The following HIPK2 variants were observed in gnomAD, a reference collection of about 807,000 sequenced individuals.
HIPK2 encodes homeodomain-interacting protein kinase 2.
A neutral mutation model predicts 113.7 loss-of-function variants in HIPK2; 27 were observed. That is an observed-to-expected ratio of 0.24 (90% CI 0.17 to 0.33). The LOEUF (loss-of-function observed/expected upper bound fraction) is 0.33. HIPK2 is among the 10% of genes least tolerant of loss of function. The probability of loss-of-function intolerance (pLI) is 1.00; values close to 1 mark genes in which losing one functional copy is unlikely to be tolerated. For missense variants in HIPK2, 1,257 were observed against 1,588.0 expected (o/e 0.79, Z 3.54); for synonymous variants, 631 against 642.2 (o/e 0.98, Z 0.26).
At chr7:139,701,412 T>C (rs1794704599) in intron 2 of HIPK2, among the ~76,000 whole-genome samples, 1 of 152,246 alleles carries the variant, frequency 6.6e-6, no homozygotes, top group Admixed American at 6.5e-5. Flanking sequence ...GGCTTAAAAC[T>C]TACCAAGACC....
intron 1 of HIPK2, among the ~76,000 whole-genome samples, chr7:139,763,474 C>G (rs1009190655): frequency 1.6e-5 from 2 of 121,622 alleles, no homozygotes; most frequent in Admixed American, 1.6e-4. Context: ...CGGAACACGC[C>G]CCCCCCCCCA....
At chr7:139,715,709 C>T (rs764950340) in intron 2 of HIPK2, among the ~76,000 whole-genome samples, 5 of 152,246 alleles carry the variant, frequency 3.3e-5, no homozygotes, top group Admixed American at 1.3e-4. Flanking sequence ...GCCCTTCCAA[C>T]GCTGAACACC....
Position 139,570,063 on chromosome 7 carries a change from G to C in HIPK2, c.*2864C>G, listed in dbSNP as rs913756011. The C allele has an allele frequency of 6.6e-6, 1 of 152,134 alleles. No homozygotes were observed. Among genetic ancestry groups the C allele is most frequent in the African/African-American group, 2.4e-5 (1 of 41,414 alleles). 9.4% of individuals were successfully genotyped at this position (152,134 alleles called of 1,614,324 possible). A position where few individuals can be genotyped will look rare whatever the true frequency, so the allele number is the denominator to read the frequency against. ...AGAATAATTTTCTTTAAAATGAAAA[G>C]AACATTTTAAGCTGTCTTTCCCCCT... On this transcript the variant is annotated 3_prime_UTR_variant, in exon 15 of 15. Coordinates refer to ENST00000406875, the MANE Select transcript of HIPK2 (RefSeq NM_022740.5).
In HIPK2 at chr7:139,613,136, A is replaced by G. The variant is rs1585277053; in HGVS notation, c.2112+66T>C. Reference sequence around the variant, plus strand: ...AGGGAGAGAGGGAGTGGAGATATATATCTTTTGTGAACAACATTAACACAG... The same window carrying G: ...AGGGAGAGAGGGAGTGGAGATATATGTCTTTTGTGAACAACATTAACACAG... On this transcript the variant is annotated intron_variant, in intron 9 of 14. Coordinates refer to ENST00000406875, the MANE Select transcript of HIPK2 (RefSeq NM_022740.5). The surrounding 1 kb of genome is among the most constrained non-coding windows in gnomAD (Gnocchi z 4.2). The G allele has an allele frequency of 5.7e-6, 9 of 1,585,634 alleles. No homozygotes were observed. The highest frequency in any genetic ancestry group is 7.8e-6 in the Non-Finnish European group (9 of 1,160,914).
At chr7:139,723,047 A>G (rs1004881214) in intron 1 of HIPK2, among the ~76,000 whole-genome samples, 2 of 151,898 alleles carry the variant, frequency 1.3e-5, no homozygotes, top group African/African-American at 4.8e-5. Context: ...ATGTAATTCT[A>G]TGCACCTTTT....
chr7:139,666,890 C>T (rs1178385653), intron 2 of HIPK2, among the ~76,000 whole-genome samples: 1 of 152,020 alleles, frequency 6.6e-6, no homozygotes, highest in Non-Finnish European at 1.5e-5. Context: ...TGGCGAAACC[C>T]GTCTCTGCTG....
chr7:139,676,639 C>T (rs982613889), intron 2 of HIPK2, among the ~76,000 whole-genome samples: 3 of 152,126 alleles, frequency 2.0e-5, no homozygotes, highest in African/African-American at 7.2e-5. Context: ...ATATGAGTCC[C>T]CCTTCTTCCA....
intron 2 of HIPK2, among the ~76,000 whole-genome samples, chr7:139,649,067 AAG>A (rs1801355670): frequency 7.7e-6 from 1 of 130,696 alleles, no homozygotes; most frequent in Non-Finnish European, 1.8e-5. Flanking sequence ...AAAGGTCAGA[AAG>A]AGAACAATGC....
At chr7:139,735,106 G>A (rs1015308178) in intron 1 of HIPK2, among the ~76,000 whole-genome samples, 1 of 152,176 alleles carries the variant, frequency 6.6e-6, no homozygotes, top group African/African-American at 2.4e-5. Context: ...TGTCGAGGGG[G>A]GAAGGGAATA....
chr7:139,680,020 G>A (rs1453723143), intron 2 of HIPK2, among the ~76,000 whole-genome samples: 3 of 152,168 alleles, frequency 2.0e-5, no homozygotes, highest in Non-Finnish European at 4.4e-5. Flanking sequence ...CAAAGGAATA[G>A]CGTGTGCAGG....
intron 1 of HIPK2, among the ~76,000 whole-genome samples, chr7:139,752,375 T>C (rs556258275): frequency 7.9e-5 from 12 of 152,278 alleles, no homozygotes; most frequent in African/African-American, 2.9e-4. Flanking sequence ...AAAATACTAT[T>C]CTTTTCCACT....
intron 12 of HIPK2, among the ~76,000 whole-genome samples, chr7:139,588,490 G>A (rs1320701392): frequency 2.0e-5 from 3 of 149,612 alleles, no homozygotes; most frequent in Admixed American, 6.6e-5. Flanking sequence ...CAATCCAGTC[G>A]GGGTGACACA....
intron 2 of HIPK2, among the ~76,000 whole-genome samples, chr7:139,695,063 G>C (rs1315207814): frequency 4.6e-5 from 7 of 152,192 alleles, no homozygotes; most frequent in Non-Finnish European, 8.8e-5. Context: ...CTTGCCTCTG[G>C]CTGCGAGGTT....
intron 2 of HIPK2, among the ~76,000 whole-genome samples, chr7:139,684,652 G>A (rs1289120388): frequency 6.6e-6 from 1 of 152,222 alleles, no homozygotes; most frequent in Non-Finnish European, 1.5e-5. Context: ...AGGAGTTTGA[G>A]GTTGCAGTAG....
At chr7:139,660,299 G>T (rs28680302) in intron 2 of HIPK2, among the ~76,000 whole-genome samples, 23,607 of 151,838 alleles carry the variant, frequency 0.16, 1,981 homozygotes, top group African/African-American at 0.22. Flanking sequence ...ATTTTTTGTT[G>T]TTGTTGTTGT....
rs1467033386 is a variant in HIPK2, at chr7:139,613,431, C to T, written c.1991-108G>A. ...TGTCAACTTTCTGCTTCCCTTTGCA[C>T]TGGTCACTGACAACAACCAGGTATT... On this transcript the variant is annotated intron_variant, in intron 8 of 14. Transcript: ENST00000406875. The surrounding 1 kb of genome is among the most constrained non-coding windows in gnomAD (Gnocchi z 4.2). The T allele has an allele frequency of 2.2e-6, 3 of 1,353,554 alleles. No individual in the cohort carries two copies. The highest frequency in any genetic ancestry group is 3.0e-6 in the Non-Finnish European group (3 of 988,816). 83.8% of individuals were successfully genotyped at this position (1,353,554 alleles called of 1,614,324 possible). A position where few individuals can be genotyped will look rare whatever the true frequency, so the allele number is the denominator to read the frequency against.
At chr7:139,668,732 GT>G (rs919303271) in intron 2 of HIPK2, among the ~76,000 whole-genome samples, 2 of 152,180 alleles carry the variant, frequency 1.3e-5, no homozygotes, top group African/African-American at 2.4e-5. Flanking sequence ...GTGATTAAAA[GT>G]TACAAATGCT....
At position 139,644,409 on chromosome 7, in the gene HIPK2, G is replaced by T. The variant is rs75830146; in HGVS notation, c.1104-12684C>A. Among the ~76,000 whole-genome samples, 705 of 152,232 alleles carry T rather than the reference G, an allele frequency of 4.6e-3. 20 individuals carry two copies. In the East Asian group the frequency reaches 0.08, roughly 17 times the overall value. On this transcript the variant is annotated intron_variant, in intron 2 of 14. Transcript: ENST00000406875. ...CATGCAGCCTGCACACTCAAGCCTG[G>T]GTATGGGTGCACATCGGTGTGGCAG...
intron 5 of HIPK2, 118 bp downstream of exon 5, chr7:139,628,835 T>G (rs891894184): frequency 1.2e-6 from 1 of 834,236 alleles, no homozygotes; most frequent in East Asian, 2.7e-5. Flanking sequence ...AAGGTCAAGG[T>G]CAACCACTGC....
Sources: allele counts gnomAD v4.1 joint callset (sites outside exome capture counted in the v4.1 genomes callset), GRCh38; gene constraint gnomAD v4.1.1; non-coding constraint Gnocchi (gnomAD v3.1); transcripts MANE v1.5; gene names NCBI Gene and HGNC (gene_info 2026-07-23, HGNC 2026-07-21).